The following CDC42SE2 variants were observed in gnomAD, a reference collection of about 807,000 sequenced individuals.
CDC42SE2 encodes CDC42 small effector protein 2.
In CDC42SE2, 3 loss-of-function variants were observed where a neutral mutation model predicts 11.5. That is an observed-to-expected ratio of 0.26 (90% CI 0.12 to 0.67). The LOEUF is 0.67. Among genes scored for constraint, CDC42SE2 ranks in the 30% least tolerant of loss-of-function variants. CDC42SE2 has a pLI of 0.80. For missense variants in CDC42SE2, 82 were observed against 106.8 expected (o/e 0.77, Z 1.02); for synonymous variants, 33 against 34.8 (o/e 0.95, Z 0.18).
At chr5:131,327,201 G>T (rs1758317862) in intron 2 of CDC42SE2, among the ~76,000 whole-genome samples, 1 of 151,862 alleles carries the variant, frequency 6.6e-6, no homozygotes, top group South Asian at 2.1e-4. Flanking sequence ...TTGCCCTTTA[G>T]ACCCATTCCT....
intron 2 of CDC42SE2, among the ~76,000 whole-genome samples, chr5:131,330,973 C>A (rs537905777): frequency 6.6e-6 from 1 of 152,132 alleles, no homozygotes; most frequent in South Asian, 2.1e-4. Context: ...CTGCAGGGAG[C>A]CGTGATTGCA....
chr5:131,212,867 C>A, the CDC42SE2 span, among the ~76,000 whole-genome samples: 29 of 152,170 alleles, frequency 1.9e-4, no homozygotes, highest in South Asian at 5.6e-3. Flanking sequence ...ATAATAATGA[C>A]CATGATAGAC....
the CDC42SE2 span, among the ~76,000 whole-genome samples, chr5:131,225,706 G>A: frequency 6.6e-6 from 1 of 152,152 alleles, no homozygotes; most frequent in South Asian, 2.1e-4. Flanking sequence ...GACTTTGTAA[G>A]AGACAAATCC....
At chr5:131,233,732 G>A in the CDC42SE2 span, among the ~76,000 whole-genome samples, 2 of 152,120 alleles carry the variant, frequency 1.3e-5, no homozygotes, top group Non-Finnish European at 2.9e-5. Context: ...TATATTTGTA[G>A]TATAAATTCC....
At chr5:131,288,418 T>G (rs1249554280) in intron 1 of CDC42SE2, among the ~76,000 whole-genome samples, 2 of 152,216 alleles carry the variant, frequency 1.3e-5, no homozygotes, top group African/African-American at 4.8e-5. Context: ...TCATGAAATA[T>G]CAGCCTATTG....
At chr5:131,365,888 A>G (rs1163652190) in intron 3 of CDC42SE2, among the ~76,000 whole-genome samples, 2 of 152,194 alleles carry the variant, frequency 1.3e-5, no homozygotes, top group Non-Finnish European at 2.9e-5. Flanking sequence ...AGGCTGAGGC[A>G]GGAGAATGGT....
intron 2 of CDC42SE2, among the ~76,000 whole-genome samples, chr5:131,355,043 A>G (rs545596463): frequency 3.2e-4 from 48 of 152,264 alleles, no homozygotes; most frequent in African/African-American, 1.1e-3. Flanking sequence ...TTGGATTTCA[A>G]ATTTTTCAGA....
the CDC42SE2 span, among the ~76,000 whole-genome samples, chr5:131,228,280 T>C: frequency 2.0e-5 from 3 of 151,982 alleles, no homozygotes; most frequent in Non-Finnish European, 4.4e-5. Flanking sequence ...GGTAGGAGGA[T>C]AGCTTGAGCC....
chr5:131,379,585 T>C (rs764121233), intron 3 of CDC42SE2, among the ~76,000 whole-genome samples: 3 of 152,208 alleles, frequency 2.0e-5, no homozygotes, highest in African/African-American at 7.2e-5. Flanking sequence ...CCAAATTGTT[T>C]AGTTCATTAT....
intron 2 of CDC42SE2, among the ~76,000 whole-genome samples, chr5:131,325,158 G>A (rs1457535397): frequency 1.3e-5 from 2 of 152,016 alleles, no homozygotes; most frequent in African/African-American, 2.4e-5. Context: ...TGTGTGTATA[G>A]GTATTTTGCT....
chr5:131,234,748 A>C, the CDC42SE2 span, among the ~76,000 whole-genome samples: 2 of 152,204 alleles, frequency 1.3e-5, no homozygotes, highest in East Asian at 1.9e-4. Context: ...GCCTTCTAGA[A>C]GCTAAAGAAC....
intron 2 of CDC42SE2, among the ~76,000 whole-genome samples, chr5:131,342,152 T>C (rs1758725330): frequency 1.3e-5 from 2 of 149,962 alleles, no homozygotes; most frequent in South Asian, 2.1e-4. Context: ...TCGTGGTGCA[T>C]GCCTGTAATC....
the CDC42SE2 span, among the ~76,000 whole-genome samples, chr5:131,219,036 G>A: frequency 6.6e-6 from 1 of 152,162 alleles, no homozygotes; most frequent in Admixed American, 6.5e-5. Flanking sequence ...AATTACTAGG[G>A]TGCTAGCAAT....
chr5:131,248,655 A>G (rs1756615749), intron 1 of CDC42SE2, among the ~76,000 whole-genome samples: 1 of 152,210 alleles, frequency 6.6e-6, no homozygotes, highest in Non-Finnish European at 1.5e-5. Flanking sequence ...TTGCATTACT[A>G]CATATTAGCA....
At chr5:131,278,977 G>T (rs746579944) in intron 1 of CDC42SE2, among the ~76,000 whole-genome samples, 2 of 150,804 alleles carry the variant, frequency 1.3e-5, no homozygotes, top group Admixed American at 1.3e-4. Context: ...TAGAAACAGG[G>T]TTTCATCATG....
At chr5:131,390,405 C>G (rs1750614516) in intron 4 of CDC42SE2, among the ~76,000 whole-genome samples, 1 of 152,006 alleles carries the variant, frequency 6.6e-6, no homozygotes, top group South Asian at 2.1e-4. Flanking sequence ...AGTTGATCGG[C>G]CGGGTGCGGT....
chr5:131,336,164 G>T (rs1007664798), intron 2 of CDC42SE2, among the ~76,000 whole-genome samples: 4 of 152,104 alleles, frequency 2.6e-5, no homozygotes, highest in African/African-American at 9.7e-5. Flanking sequence ...GGCAGGCCTG[G>T]TGGTGACAAA....
intron 2 of CDC42SE2, among the ~76,000 whole-genome samples, chr5:131,347,113 C>T (rs1357098681): frequency 2.0e-5 from 3 of 152,080 alleles, no homozygotes; most frequent in Admixed American, 6.5e-5. Context: ...CAAACACATT[C>T]AAAAGCTAGA....
chr5:131,378,880 T>C (rs1375444884), intron 3 of CDC42SE2, among the ~76,000 whole-genome samples: 1 of 152,194 alleles, frequency 6.6e-6, no homozygotes. Flanking sequence ...TTAAAAAGAA[T>C]GTATGTTCTA....
Sources: allele counts gnomAD v4.1 joint callset (sites outside exome capture counted in the v4.1 genomes callset), GRCh38; gene constraint gnomAD v4.1.1; transcripts MANE v1.5; gene names NCBI Gene and HGNC (gene_info 2026-07-23, HGNC 2026-07-21).